Variants in ZNF620 observed in about 807,000 individuals in gnomAD.
ZNF620 encodes the protein zinc finger protein 620.
In ZNF620, 10 loss-of-function variants were observed where a neutral mutation model predicts 13.3. The ratio of observed to expected loss-of-function variants is 0.75; its 90% CI spans 0.46 to 1.28. The LOEUF is 1.28. ZNF620 is among the 50% of genes most tolerant of loss of function. The probability of loss-of-function intolerance (pLI) is 0.00; values close to 1 mark genes in which losing one functional copy is unlikely to be tolerated. For missense variants in ZNF620, 461 were observed against 500.2 expected, an observed-to-expected ratio of 0.92 and a Z score of 0.75; for synonymous variants, 166 against 177.6, an observed-to-expected ratio of 0.93 and a Z score of 0.52.
chr3:40,515,777 ATATTGTG>A (rs1486238784), intron 4 of ZNF620, 76 bp from the exon 5 acceptor site: 3 of 1,344,292 alleles, frequency 2.2e-6, no homozygotes, highest in African/African-American at 1.8e-5. Flanking sequence ...TTCAGCACAG[ATATTGTG>A]TGTGTGTGTG....
Position 40,515,808 on chromosome 3 carries a change from GT to G in ZNF620, c.266-51del, listed in dbSNP as rs1559551899. 376 of 1,444,072 alleles carry G rather than the reference GT, an allele frequency of 2.6e-4. 1 individual carries two copies. The African/African-American group carries it at 4.7e-3, about 18-fold the overall frequency. 89.5% of individuals were successfully genotyped at this position (1,444,072 alleles called of 1,614,324 possible). On this transcript the variant is annotated intron_variant, in intron 4 of 4. Transcript: ENST00000314529. ...TGTGTGTGTGTGTGTGTGTGTGTGTGTGTGTGTGTGTGATATCAGGGACTGA... is the reference window on the plus strand; with the variant it reads ...TGTGTGTGTGTGTGTGTGTGTGTGTGGTGTGTGTGTGATATCAGGGACTGA...
rs74970181 is a variant in ZNF620, at chr3:40,516,659, G to C, written c.1065G>C (p.Gln355His). 55,078 of 1,614,180 alleles carry C rather than the reference G, an allele frequency of 0.034. 1,343 individuals carry two copies. The highest frequency in any genetic ancestry group is 0.1 in the South Asian group (9,388 of 91,080). Residue 355 changes from glutamine (Q) to histidine (H), a missense_variant, in exon 5 of 5, where the codon CAG becomes CAC. Physicochemically the swap from Gln to His is conservative, Grantham distance 24. Coordinates refer to ENST00000314529, the MANE Select transcript of ZNF620 (RefSeq NM_175888.4). ...LSSNTALTQH[Q>H]RIHTGEKPFE... ...CCAACACAGCCTTGACTCAGCATCA[G>C]CGAATTCACACTGGGGAGAAGCCCT...
intron 2 of ZNF620, among the ~76,000 whole-genome samples, chr3:40,506,621 G>T (rs1678310522): frequency 1.3e-5 from 2 of 152,154 alleles, no homozygotes; most frequent in Non-Finnish European, 2.9e-5. Flanking sequence ...GTGGAAATCT[G>T]CATTATTACA....
chr3:40,506,273 T>C, intron 1 of ZNF620, 31 bp from the exon 2 acceptor site: 1 of 1,587,264 alleles, frequency 6.3e-7, no homozygotes, highest in Non-Finnish European at 8.6e-7. Flanking sequence ...GCAGCATCAA[T>C]CTCACCGGTG....
At chr3:40,513,316 AAT>A (rs71618944) in intron 4 of ZNF620, among the ~76,000 whole-genome samples, 238 of 62,446 alleles carry the variant, frequency 3.8e-3, no homozygotes, top group East Asian at 5.6e-3. Context: ...AAAAAAAAAA[AAT>A]ATATATATAT....
intron 3 of ZNF620, 65 bp from the exon 4 acceptor site, chr3:40,512,337 G>C: frequency 7.4e-7 from 1 of 1,352,928 alleles, no homozygotes. Flanking sequence ...AAGATAAAGG[G>C]GGCTGCAAGA....
chr3:40,515,821 A>T (rs6804333), intron 4 of ZNF620, 39 bp from the exon 5 acceptor site: 2 of 840,992 alleles, frequency 2.4e-6, no homozygotes, highest in Non-Finnish European at 3.2e-6. Flanking sequence ...TGTGTGTGTG[A>T]TATCAGGGAC....
Position 40,511,485 on chromosome 3 carries a change from GA to G in ZNF620, c.41del (p.Glu14GlyfsTer26). 1 of 1,613,496 alleles carries G rather than the reference GA, an allele frequency of 6.2e-7. No individual in the cohort carries two copies. Among genetic ancestry groups the G allele is most frequent in the Non-Finnish European group, 8.5e-7 (1 of 1,179,600 alleles). ...GTTGTTTTAGGAACCAGTGACCTTT[GA>G]GGATGTGGCTGTGTACTTCACCCAG... ...TAWRQEPVTF[E>X]DVAVYFTQNE... On this transcript the variant is annotated frameshift_variant, in exon 3 of 5. Coordinates refer to ENST00000314529, the MANE Select transcript of ZNF620 (RefSeq NM_175888.4). LOFTEE classifies it high-confidence loss of function.
intron 2 of ZNF620, 45 bp from the exon 3 acceptor site, chr3:40,511,425 T>C (rs6790578): frequency 0.35 from 568,265 of 1,602,036 alleles, 102,686 homozygotes; most frequent in South Asian, 0.42. Context: ...CTTAGCCTGA[T>C]CCTCTGCCCT....
chr3:40,515,777 ATAT>A (rs1250257556), intron 4 of ZNF620, 80 bp from the exon 5 acceptor site: 4 of 1,344,416 alleles, frequency 3.0e-6, no homozygotes, highest in Non-Finnish European at 4.0e-6. Context: ...TTCAGCACAG[ATAT>A]TGTGTGTGTG....
At position 40,511,220 on chromosome 3, in the gene ZNF620, AG is replaced by A. The variant is rs1698188274; in HGVS notation, c.25-247del. Among the ~76,000 whole-genome samples, 4 of 152,128 alleles carry A rather than the reference AG, an allele frequency of 2.6e-5. No individual in the cohort carries two copies. The South Asian group carries it at 8.3e-4, about 31-fold the overall frequency. ...AGAGGAACAGATGGGCACACAGAGC[AG>A]GGCACAGTGGAGGCAAGCAGAGATC... is the stretch of plus-strand genomic sequence containing the variant. On this transcript the variant is annotated intron_variant, in intron 2 of 4. Coordinates refer to ENST00000314529, the MANE Select transcript of ZNF620 (RefSeq NM_175888.4).
At chr3:40,513,579 T>C (rs6599107) in intron 4 of ZNF620, among the ~76,000 whole-genome samples, 74,927 of 150,686 alleles carry the variant, frequency 0.5, 20,587 homozygotes, top group African/African-American at 0.74. Context: ...GTGGAGGTCG[T>C]AGTGAGCTGA....
intron 1 of ZNF620, 41 bp downstream of exon 1, chr3:40,506,179 T>A: frequency 5.2e-6 from 4 of 774,528 alleles, no homozygotes; most frequent in Non-Finnish European, 6.6e-6. Flanking sequence ...TGCCTGGTTT[T>A]GCAACCCCTT....
At chr3:40,515,737 C>A in intron 4 of ZNF620, 123 bp from the exon 5 acceptor site, 1 of 1,259,830 alleles carries the variant, frequency 7.9e-7, no homozygotes, top group Non-Finnish European at 1.1e-6. Context: ...ATATTCAGGG[C>A]AAATTAGAAC....
intron 4 of ZNF620, among the ~76,000 whole-genome samples, chr3:40,513,618 G>A (rs1055152945): frequency 6.6e-6 from 1 of 151,612 alleles, no homozygotes; most frequent in African/African-American, 2.4e-5. Flanking sequence ...CAGCCTGTGG[G>A]CAGCAAGCCA....
At position 40,518,203 on chromosome 3, in the gene ZNF620, C is replaced by T. The variant is rs1181203924; in HGVS notation, c.*1340C>T. 6.6e-6 allele frequency: 1 copy of T among 152,184 alleles called. No homozygotes were observed. Among genetic ancestry groups the T allele is most frequent in the Non-Finnish European group, 1.5e-5 (1 of 68,046 alleles). The allele number at this position is 152,184 out of a possible 1,614,324, so 9.4% of individuals were successfully genotyped here. A position where few individuals can be genotyped will look rare whatever the true frequency, so the allele number is the denominator to read the frequency against. On this transcript the variant is annotated 3_prime_UTR_variant, in exon 5 of 5. Transcript: ENST00000314529. ...TAAATGTGTTAGGTTTTAGCATCCC[C>T]TCTGGCAGCCAGCTTGATTTTGCAG...
In ZNF620 at chr3:40,511,573, A is replaced by G; in HGVS notation, c.128A>G (p.Asn43Ser). 1 of 1,613,192 alleles carries G rather than the reference A, an allele frequency of 6.2e-7. No individual in the cohort carries two copies. The highest frequency in any genetic ancestry group is 8.5e-7 in the Non-Finnish European group (1 of 1,179,622). The part of the protein sequence containing the change: ...RALYREVMLE[N>S]YANVASLAFP... ...CTGTACAGGGAAGTGATGCTGGAGA[A>G]TTATGCAAATGTGGCTTCCCTGGGT... The change falls in exon 3 of 5, where the codon AAT becomes AGT. Residue 43 changes from asparagine (N) to serine (S), a missense_variant. By Grantham distance (46) the Asn-to-Ser change is conservative. Coordinates refer to ENST00000314529, the MANE Select transcript of ZNF620 (RefSeq NM_175888.4).
rs1698265578 is a variant in ZNF620, at chr3:40,513,319, ATATATATATATAT to A, written c.265+805_265+817del. ...GTCTCAACTAAAAAAAAAAAAAAAT[ATATATATATATAT>A]ATATATATATATATATATATATGGC... is the stretch of plus-strand genomic sequence containing the variant. On this transcript the variant is annotated intron_variant, in intron 4 of 4. Transcript: ENST00000314529. 1.3e-3 allele frequency among the ~76,000 whole-genome samples: 126 copies of A among 94,944 alleles called. 5 individuals carry two copies. The highest frequency in any genetic ancestry group is 5.8e-3 in the African/African-American group (110 of 18,826). 62.3% of individuals were successfully genotyped at this position (94,944 alleles called of 152,430 possible). A position where few individuals can be genotyped will look rare whatever the true frequency, so the allele number is the denominator to read the frequency against.
chr3:40,506,655 T>C (rs1698029001), intron 2 of ZNF620, among the ~76,000 whole-genome samples: 1 of 152,236 alleles, frequency 6.6e-6, no homozygotes, highest in African/African-American at 2.4e-5. Flanking sequence ...CCTTTCACCC[T>C]AGTCCGCAGG....
Sources: gnomAD v4.1 joint callset for allele counts (sites outside exome capture counted in the v4.1 genomes callset) on GRCh38, gnomAD v4.1.1 for gene constraint, MANE v1.5 for transcripts, NCBI Gene and HGNC (gene_info 2026-07-23, HGNC 2026-07-21) for gene names.